ERG: variants seen among roughly 807,000 people sequenced by gnomAD.
ERG encodes the protein transcriptional regulator ERG.
In ERG, 9 loss-of-function variants were observed where a neutral mutation model predicts 55.3. The observed-to-expected ratio is 0.16, with a 90% CI of 0.10 to 0.28. The LOEUF (loss-of-function observed/expected upper bound fraction) is 0.28. Among genes scored for constraint, ERG ranks in the 10% least tolerant of loss-of-function variants. ERG has a pLI of 1.00. For synonymous variants in ERG, 223 were observed against 237.3 expected (o/e 0.94, Z 0.55); for missense variants, 434 against 631.6 (o/e 0.69, Z 3.35).
chr21:38,539,060 T>G (rs1432658734), intron 2 of ERG, among the ~76,000 whole-genome samples: 1 of 152,178 alleles, frequency 6.6e-6, no homozygotes, highest in African/African-American at 2.4e-5. Context: ...TACTATTTCT[T>G]TTATGTCATT....
chr21:38,575,573 C>G, intron 2 of ERG: 1 of 922,460 alleles, frequency 1.1e-6, no homozygotes, highest in Non-Finnish European at 1.8e-6. Flanking sequence ...GTTGACTGAC[C>G]CCTAATTAAC....
intron 1 of ERG, among the ~76,000 whole-genome samples, chr21:38,583,302 C>A (rs9305653): frequency 0.28 from 42,532 of 152,080 alleles, 6,609 homozygotes; most frequent in Middle Eastern, 0.39. Flanking sequence ...AACATAGGGC[C>A]CATGATTTAA....
rs369550204 is a variant in ERG at position 38,573,211 on chromosome 21, G to A, written c.-41+2451C>T. Reference sequence around the variant, plus strand: ...CGCAGGGACCTCTGCCCTTGAAAGCGGGGTATTGTCCAAGGTTTCTCCCAT... The same window carrying A: ...CGCAGGGACCTCTGCCCTTGAAAGCAGGGTATTGTCCAAGGTTTCTCCCAT... On this transcript the variant is annotated intron_variant, in intron 2 of 8. Transcript: ENST00000398897. Among the ~76,000 whole-genome samples, 27 of 152,350 alleles carry A rather than the reference G, an allele frequency of 1.8e-4. No individual in the cohort carries two copies. The South Asian group carries it at 4.8e-3, about 27-fold the overall frequency.
At chr21:38,654,519 G>A (rs1055433922) in intron 1 of ERG, among the ~76,000 whole-genome samples, 1 of 152,238 alleles carries the variant, frequency 6.6e-6, no homozygotes, top group African/African-American at 2.4e-5. Flanking sequence ...GATACCTCAA[G>A]TAGTAATCAA....
Position 38,381,551 on chromosome 21 carries a change from A to G in ERG, c.*1852T>C. ...GAAAGAGAAACCCCGCAGCAAATCT[A>G]GACGTTATCCCTTGTTTCTGTAAAG... On this transcript the variant is annotated 3_prime_UTR_variant, in exon 10 of 10. Coordinates refer to ENST00000288319, the MANE Select transcript of ERG (RefSeq NM_182918.4). The G allele has an allele frequency of 1.9e-6, 2 of 1,063,848 alleles. No individual in the cohort carries two copies. Among genetic ancestry groups the G allele is most frequent in the Non-Finnish European group, 2.3e-6 (2 of 878,350 alleles). The allele number at this position is 1,063,848 out of a possible 1,614,324, so 65.9% of individuals were successfully genotyped here.
At chr21:38,469,968 G>A (rs1368159551) in intron 1 of ERG, among the ~76,000 whole-genome samples, 1 of 152,172 alleles carries the variant, frequency 6.6e-6, no homozygotes, top group African/African-American at 2.4e-5. Context: ...GATGTCTGCA[G>A]TTTGTATATG....
the ERG span, among the ~76,000 whole-genome samples, chr21:38,374,070 C>T: frequency 6.6e-6 from 1 of 152,154 alleles, no homozygotes; most frequent in African/African-American, 2.4e-5. Context: ...ATAGAAGCCA[C>T]TTGAAAAAAA....
Position 38,517,635 on chromosome 21 carries a change from T to C in ERG, c.-41+58027A>G, listed in dbSNP as rs184078799. On this transcript the variant is annotated intron_variant, in intron 2 of 8. Transcript: ENST00000398897. The stretch of plus-strand genomic sequence containing the variant: ...TTATCTAATGAAAAAGAAATCAGTA[T>C]ATCAAAAAGATACTTGCACCCACAT... 5.7e-3 allele frequency among the ~76,000 whole-genome samples: 865 copies of C among 152,228 alleles called. 10 individuals are homozygous for C. The highest frequency in any genetic ancestry group is 6.0e-3 in the Non-Finnish European group (410 of 67,992).
chr21:38,659,380 C>T (rs1310050693), intron 1 of ERG, among the ~76,000 whole-genome samples: 1 of 152,254 alleles, frequency 6.6e-6, no homozygotes, highest in East Asian at 1.9e-4. Flanking sequence ...ACGTCTGTTG[C>T]CTGATCCTCC....
At chr21:38,632,913 G>C (rs2060365841) in intron 1 of ERG, among the ~76,000 whole-genome samples, 1 of 152,126 alleles carries the variant, frequency 6.6e-6, no homozygotes, top group Non-Finnish European at 1.5e-5. Flanking sequence ...AACTAACTGA[G>C]ATAGATATTT....
chr21:38,393,462 G>T (rs1284086273), intron 6 of ERG, among the ~76,000 whole-genome samples: 1 of 152,214 alleles, frequency 6.6e-6, no homozygotes, highest in Non-Finnish European at 1.5e-5. Flanking sequence ...TCAATGTCAT[G>T]TGTCATTCTG....
intron 2 of ERG, among the ~76,000 whole-genome samples, chr21:38,551,833 G>A (rs2059826401): frequency 6.6e-6 from 1 of 152,148 alleles, no homozygotes; most frequent in Admixed American, 6.6e-5. Context: ...TGGGTGCAGT[G>A]TTCTGGAGAT....
At chr21:38,518,579 C>T (rs1354236028) in intron 2 of ERG, among the ~76,000 whole-genome samples, 2 of 151,796 alleles carry the variant, frequency 1.3e-5, no homozygotes, top group Non-Finnish European at 1.5e-5. Flanking sequence ...ATGAGAAATC[C>T]ACATGAGAAA....
At chr21:38,458,700 G>A (rs1468687587) in intron 1 of ERG, among the ~76,000 whole-genome samples, 1 of 152,184 alleles carries the variant, frequency 6.6e-6, no homozygotes, top group Non-Finnish European at 1.5e-5. Flanking sequence ...CAAGAGTCGT[G>A]TGTTGGTCTG....
At chr21:38,590,357 A>T (rs1280717607) in intron 1 of ERG, among the ~76,000 whole-genome samples, 1 of 152,192 alleles carries the variant, frequency 6.6e-6, no homozygotes, top group African/African-American at 2.4e-5. Flanking sequence ...GAGGAAATAG[A>T]TGAGGAGAGG....
chr21:38,631,347 C>T (rs2060355440), intron 1 of ERG, among the ~76,000 whole-genome samples: 2 of 151,982 alleles, frequency 1.3e-5, no homozygotes, highest in South Asian at 4.2e-4. Context: ...CTATGAGTCA[C>T]AGAAAATTTG....
chr21:38,472,169 T>C (rs1415164185), intron 1 of ERG: 4 of 151,648 alleles, frequency 2.6e-5, no homozygotes, highest in African/African-American at 9.7e-5. Flanking sequence ...ACATACCAGA[T>C]GTAAAATCAT....
chr21:38,461,106 A>T lies in ERG; in HGVS notation c.19-15485T>A, dbSNP rs78770029. ...TTTGCTAGGGTTGCCAAGACAATGT[A>T]CCACGGACTGAGGGGCTTAAGCAAC... On this transcript the variant is annotated intron_variant, in intron 1 of 9. Coordinates refer to ENST00000288319, the MANE Select transcript of ERG (RefSeq NM_182918.4). 7.3e-3 allele frequency among the ~76,000 whole-genome samples: 1,117 copies of T among 152,334 alleles called. 2 individuals carry two copies. Among genetic ancestry groups the T allele is most frequent in the Middle Eastern group, 0.017 (5 of 294 alleles).
At chr21:38,509,344 T>G (rs1194972922) in intron 2 of ERG, among the ~76,000 whole-genome samples, 1 of 152,194 alleles carries the variant, frequency 6.6e-6, no homozygotes, top group African/African-American at 2.4e-5. Flanking sequence ...TGCTAAGCAT[T>G]GTCGGTCACT....
Sources: gnomAD v4.1 joint callset for allele counts (sites outside exome capture counted in the v4.1 genomes callset) on GRCh38, gnomAD v4.1.1 for gene constraint, MANE v1.5 for transcripts, NCBI Gene and HGNC (gene_info 2026-07-23, HGNC 2026-07-21) for gene names.